The following RGS7 variants were observed in gnomAD, a reference collection of about 807,000 sequenced individuals.
The protein encoded by RGS7 is regulator of G protein signaling 7.
Under a neutral mutation model 81.1 loss-of-function variants are expected in RGS7, and 27 were observed. The ratio of observed to expected loss-of-function variants is 0.33; its 90% CI spans 0.25 to 0.46. RGS7 has a LOEUF of 0.46. RGS7 is among the 20% of genes least tolerant of loss of function. The pLI, the probability that RGS7 is intolerant of heterozygous loss-of-function variation, is 1.00. For synonymous variants in RGS7, 208 were observed against 207.7 expected (o/e 1.00, Z -0.01); for missense variants, 396 against 607.4 (o/e 0.65, Z 3.66).
intron 2 of RGS7, among the ~76,000 whole-genome samples, chr1:241,115,689 C>A (rs1202910423): frequency 6.6e-6 from 1 of 152,158 alleles, no homozygotes; most frequent in Admixed American, 6.5e-5. Context: ...CTTTATCCCA[C>A]TTCTTGAAAG....
intron 2 of RGS7, among the ~76,000 whole-genome samples, chr1:241,295,389 G>C (rs999675909): frequency 1.2e-4 from 19 of 152,090 alleles, no homozygotes; most frequent in Admixed American, 5.9e-4. Context: ...AGAGGTGGAG[G>C]TTGCAGTGAG....
chr1:240,776,371 C>A (rs929701418), intron 18 of RGS7, among the ~76,000 whole-genome samples, 158 bp from the exon 19 acceptor site: 21 of 151,746 alleles, frequency 1.4e-4, no homozygotes, highest in Non-Finnish European at 2.8e-4. Flanking sequence ...GACCAACCTG[C>A]CTTCCCCCCT....
At chr1:240,844,242 G>A (rs1398234538) in intron 9 of RGS7, among the ~76,000 whole-genome samples, 1 of 152,076 alleles carries the variant, frequency 6.6e-6, no homozygotes, top group Non-Finnish European at 1.5e-5. Context: ...GGCCCAAGAG[G>A]CTGGCTTCTC....
At chr1:241,140,919 GA>G (rs1185204634) in intron 2 of RGS7, among the ~76,000 whole-genome samples, 1 of 152,176 alleles carries the variant, frequency 6.6e-6, no homozygotes, top group Non-Finnish European at 1.5e-5. Context: ...GTTCACCTCT[GA>G]TCTTGTAGCA....
At chr1:241,349,857 T>C (rs1276124384) in intron 2 of RGS7, among the ~76,000 whole-genome samples, 2 of 152,206 alleles carry the variant, frequency 1.3e-5, no homozygotes, top group African/African-American at 4.8e-5. Context: ...AAATTCAAAG[T>C]ATTTCCACAT....
chr1:240,978,012 G>A lies in RGS7; in HGVS notation c.226+5067C>T, dbSNP rs557952889. 3.3e-5 allele frequency among the ~76,000 whole-genome samples: 5 copies of A among 152,274 alleles called. No individual in the cohort carries two copies. In the South Asian group the frequency reaches 1.0e-3, roughly 32 times the overall value. On this transcript the variant is annotated intron_variant, in intron 4 of 18. Transcript: ENST00000440928. ...ACATGATATCATGGTGACATCCTGA[G>A]GCAAGGATTACTCCCAGGTCCAGCT...
intron 2 of RGS7, among the ~76,000 whole-genome samples, chr1:241,187,553 G>A (rs538467572): frequency 3.2e-4 from 49 of 152,214 alleles, no homozygotes; most frequent in Non-Finnish European, 5.7e-4. Context: ...TTGCAGTCTC[G>A]TTTCAGTCTC....
chr1:240,902,560 T>A (rs1670185296), intron 6 of RGS7, among the ~76,000 whole-genome samples: 1 of 152,160 alleles, frequency 6.6e-6, no homozygotes, highest in Non-Finnish European at 1.5e-5. Flanking sequence ...TGCTGTCCCT[T>A]CTATTCAACT....
chr1:241,168,003 A>T (rs959859927), intron 2 of RGS7, among the ~76,000 whole-genome samples: 2 of 152,206 alleles, frequency 1.3e-5, no homozygotes, highest in Non-Finnish European at 2.9e-5. Flanking sequence ...AAAAAAATGA[A>T]AACTGTTTAT....
At chr1:241,015,926 G>C (rs1182346962) in intron 3 of RGS7, among the ~76,000 whole-genome samples, 3 of 152,160 alleles carry the variant, frequency 2.0e-5, no homozygotes, top group South Asian at 4.1e-4. Flanking sequence ...TTGCACTGCA[G>C]AACTGCACTA....
intron 2 of RGS7, among the ~76,000 whole-genome samples, chr1:241,121,772 C>T (rs2066279592): frequency 8.4e-6 from 1 of 118,346 alleles, no homozygotes; most frequent in Non-Finnish European, 1.6e-5. Context: ...GTCTAGAGTA[C>T]AGTGGCAAGA....
chr1:241,019,094 T>A (rs1314876992), intron 3 of RGS7, among the ~76,000 whole-genome samples: 1 of 152,168 alleles, frequency 6.6e-6, no homozygotes, highest in Non-Finnish European at 1.5e-5. Flanking sequence ...TATGTGAGGC[T>A]ATCCCATGAC....
intron 2 of RGS7, among the ~76,000 whole-genome samples, chr1:241,203,797 G>T (rs142231473): frequency 6.6e-6 from 1 of 151,874 alleles, no homozygotes; most frequent in African/African-American, 2.4e-5. Flanking sequence ...TCATTTATTC[G>T]TTCGTTCATG....
At chr1:241,208,113 G>A (rs915444709) in intron 2 of RGS7, among the ~76,000 whole-genome samples, 5 of 152,220 alleles carry the variant, frequency 3.3e-5, no homozygotes, top group Admixed American at 3.3e-4. Flanking sequence ...CACCATCCTG[G>A]CCAGGTGGTC....
chr1:241,055,102 T>G (rs1305069013), intron 3 of RGS7, among the ~76,000 whole-genome samples: 1 of 151,976 alleles, frequency 6.6e-6, no homozygotes, highest in Non-Finnish European at 1.5e-5. Context: ...GCTTTTTAAT[T>G]TTAAATATTA....
intron 9 of RGS7, among the ~76,000 whole-genome samples, chr1:240,854,449 G>A (rs145576284): frequency 0.012 from 1,755 of 152,044 alleles, 18 homozygotes; most frequent in Middle Eastern, 0.044. Flanking sequence ...ATTTCAATCC[G>A]AGTTCCTTTA....
At chr1:240,963,144 T>C (rs1366754057) in intron 4 of RGS7, among the ~76,000 whole-genome samples, 6 of 151,872 alleles carry the variant, frequency 4.0e-5, no homozygotes, top group African/African-American at 1.5e-4. Flanking sequence ...AGGAGTGAGA[T>C]AGTGGGAGTA....
chr1:241,256,926 T>TACACACACACAC (rs10552436), intron 2 of RGS7, among the ~76,000 whole-genome samples: 4 of 146,168 alleles, frequency 2.7e-5, no homozygotes, highest in Non-Finnish European at 6.0e-5. Context: ...CCACTAGAAA[T>TACACACACACAC]ACACACACAC....
intron 3 of RGS7, among the ~76,000 whole-genome samples, chr1:241,038,519 G>A (rs865806325): frequency 1.3e-5 from 2 of 152,298 alleles, no homozygotes; most frequent in Middle Eastern, 6.8e-3. Flanking sequence ...GAAAGTTTGG[G>A]TATAATTGCT....
Sources: allele counts gnomAD v4.1 joint callset (sites outside exome capture counted in the v4.1 genomes callset), GRCh38; gene constraint gnomAD v4.1.1; transcripts MANE v1.5; gene names NCBI Gene and HGNC (gene_info 2026-07-23, HGNC 2026-07-21).